Variants in PDE1A observed in about 807,000 individuals in gnomAD.
The protein encoded by PDE1A is dual specificity calcium/calmodulin-dependent 3',5'-cyclic nucleotide phosphodiesterase 1A.
A neutral mutation model predicts 61.7 loss-of-function variants in PDE1A; 35 were observed. The ratio of observed to expected loss-of-function variants is 0.57; its 90% confidence interval spans 0.43 to 0.75. The LOEUF is 0.75. Ranked by LOEUF, PDE1A falls within the 30% of genes least tolerant of loss-of-function variation. PDE1A has a pLI of 0.00. For synonymous variants in PDE1A, 232 were observed against 213.2 expected, an observed-to-expected ratio of 1.09 and a Z score of -0.77; for missense variants, 597 against 630.6, an observed-to-expected ratio of 0.95 and a Z score of 0.57.
At chr2:182,369,302 ATTG>A (rs1454423980) in intron 1 of PDE1A, among the ~76,000 whole-genome samples, 1 of 152,164 alleles carries the variant, frequency 6.6e-6, no homozygotes, top group Non-Finnish European at 1.5e-5. Flanking sequence ...TTCTTGATAC[ATTG>A]TTTTTATATA....
At chr2:182,691,310 C>T in the PDE1A span, among the ~76,000 whole-genome samples, 39 of 152,156 alleles carry the variant, frequency 2.6e-4, no homozygotes, top group South Asian at 3.1e-3. Flanking sequence ...CAAAACAGCA[C>T]GGTACTGGTA....
downstream of PDE1A, among the ~76,000 whole-genome samples, chr2:182,166,378 C>G (rs1361706320): frequency 1.3e-5 from 2 of 152,166 alleles, no homozygotes; most frequent in African/African-American, 4.8e-5. Context: ...TTCTCTCTTT[C>G]CCTTTCTGAG....
intron 1 of PDE1A, among the ~76,000 whole-genome samples, chr2:182,294,487 T>A (rs764971187): frequency 3.3e-5 from 5 of 152,220 alleles, no homozygotes; most frequent in African/African-American, 7.2e-5. Flanking sequence ...CAAGTAAGCA[T>A]GAAAACACAC....
intron 1 of PDE1A, among the ~76,000 whole-genome samples, chr2:182,410,749 C>T (rs933733389): frequency 6.6e-6 from 1 of 152,144 alleles, no homozygotes; most frequent in Non-Finnish European, 1.5e-5. Flanking sequence ...GTCTTCCCAT[C>T]AAGCTTTAAT....
At chr2:182,449,259 G>A (rs1282884748) in intron 2 of PDE1A, among the ~76,000 whole-genome samples, 2 of 148,454 alleles carry the variant, frequency 1.3e-5, no homozygotes, top group East Asian at 2.0e-4. Flanking sequence ...AAAAGCAAAT[G>A]AAAACATAAT....
At chr2:182,426,217 C>T (rs192084135) in intron 1 of PDE1A, among the ~76,000 whole-genome samples, 68 of 152,302 alleles carry the variant, frequency 4.5e-4, no homozygotes, top group Middle Eastern at 3.4e-3. Context: ...GAAACACTGC[C>T]CTTGCCTGTA....
At chr2:182,632,610 C>T in the PDE1A span, among the ~76,000 whole-genome samples, 1 of 152,056 alleles carries the variant, frequency 6.6e-6, no homozygotes, top group African/African-American at 2.4e-5. Flanking sequence ...TACCATGCCC[C>T]ACTGGGTTCT....
At chr2:182,335,270 A>T (rs1332378622) in intron 1 of PDE1A, among the ~76,000 whole-genome samples, 2 of 152,198 alleles carry the variant, frequency 1.3e-5, no homozygotes, top group African/African-American at 4.8e-5. Context: ...AAATGACTTT[A>T]AATTTCATAT....
At chr2:182,602,461 C>T in the PDE1A span, among the ~76,000 whole-genome samples, 2 of 152,220 alleles carry the variant, frequency 1.3e-5, no homozygotes, top group East Asian at 3.8e-4. Flanking sequence ...ATAATCAGCC[C>T]TCAGATGGAC....
the PDE1A span, among the ~76,000 whole-genome samples, chr2:182,685,455 T>C: frequency 6.6e-6 from 1 of 152,216 alleles, no homozygotes; most frequent in African/African-American, 2.4e-5. Context: ...GAAACAACAT[T>C]GACTTTGGAG....
intron 7 of PDE1A, among the ~76,000 whole-genome samples, chr2:182,212,205 T>TTTAC (rs1687670143): frequency 6.6e-6 from 1 of 150,660 alleles, no homozygotes; most frequent in African/African-American, 2.4e-5. Flanking sequence ...ATTATATATA[T>TTTAC]TACGTACGAG....
chr2:182,206,259 A>T (rs1304472313), intron 7 of PDE1A, among the ~76,000 whole-genome samples, 194 bp from the exon 8 acceptor site: 3 of 152,132 alleles, frequency 2.0e-5, no homozygotes, highest in Non-Finnish European at 4.4e-5. Flanking sequence ...TCTATTAGAG[A>T]AGTTTTAGGC....
At chr2:182,611,476 T>TATACTGTC in the PDE1A span, among the ~76,000 whole-genome samples, 3 of 152,246 alleles carry the variant, frequency 2.0e-5, no homozygotes, top group Non-Finnish European at 4.4e-5. Context: ...ACTAATCTTC[T>TATACTGTC]TAACCAGTAT....
the PDE1A span, among the ~76,000 whole-genome samples, chr2:182,584,350 G>A: frequency 1.4e-4 from 22 of 152,356 alleles, no homozygotes; most frequent in African/African-American, 5.3e-4. Context: ...CTTGCAAGGA[G>A]CCACAAGGAG....
chr2:182,357,247 C>CAG (rs1186020911), intron 1 of PDE1A, among the ~76,000 whole-genome samples: 21 of 146,070 alleles, frequency 1.4e-4, no homozygotes, highest in African/African-American at 2.5e-4. Context: ...CAATGAACTA[C>CAG]AGAGAGAGAG....
At chr2:182,475,828 T>TGG (rs1559497169) in intron 2 of PDE1A, among the ~76,000 whole-genome samples, 2 of 151,984 alleles carry the variant, frequency 1.3e-5, no homozygotes, top group Non-Finnish European at 2.9e-5. Context: ...TTCAAAATCC[T>TGG]TAACTGCTTG....
intron 7 of PDE1A, among the ~76,000 whole-genome samples, chr2:182,212,788 T>A (rs1429033344): frequency 6.6e-6 from 1 of 152,230 alleles, no homozygotes; most frequent in African/African-American, 2.4e-5. Flanking sequence ...TCTCGCTGAT[T>A]GCTAGCACAG....
At chr2:182,153,969 C>G (rs1371291436) in intron 13 of PDE1A, among the ~76,000 whole-genome samples, 2 of 152,136 alleles carry the variant, frequency 1.3e-5, no homozygotes. Flanking sequence ...TTCACATATT[C>G]TTTATCTTTA....
chr2:182,185,845 A>G (rs948828057), intron 13 of PDE1A, 47 bp downstream of exon 13: 1 of 1,611,680 alleles, frequency 6.2e-7, no homozygotes, highest in African/African-American at 1.3e-5. Flanking sequence ...TTAGAGGAGA[A>G]GTGAAGACAG....
Sources: allele counts gnomAD v4.1 joint callset (sites outside exome capture counted in the v4.1 genomes callset), GRCh38; gene constraint gnomAD v4.1.1; transcripts MANE v1.5; gene names NCBI Gene and HGNC (gene_info 2026-07-23, HGNC 2026-07-21).